Variants in PTPRD observed in about 807,000 individuals in gnomAD.
The protein encoded by PTPRD is receptor-type tyrosine-protein phosphatase delta.
PTPRD carries 34 observed loss-of-function variants against 214.5 expected under a neutral mutation model. The observed-to-expected ratio is 0.16, with a 90% confidence interval of 0.12 to 0.21. The LOEUF (loss-of-function observed/expected upper bound fraction) is 0.21. Ranked by LOEUF, PTPRD falls within the 10% of genes least tolerant of loss-of-function variation. The pLI is 1.00. For missense variants in PTPRD, 2,545 were observed against 2,398.7 expected, an observed-to-expected ratio of 1.06 and a Z score of -1.27; for synonymous variants, 1,128 against 845.7, an observed-to-expected ratio of 1.33 and a Z score of -5.79.
intron 14 of PTPRD, among the ~76,000 whole-genome samples, chr9:8,563,502 A>G (rs1309723148): frequency 2.0e-5 from 3 of 150,240 alleles, no homozygotes; most frequent in African/African-American, 7.4e-5. Flanking sequence ...CAGTGGCGCA[A>G]TCTTGGTACA....
intron 4 of PTPRD, among the ~76,000 whole-genome samples, chr9:10,023,227 T>C (rs577764324): frequency 1.5e-4 from 23 of 152,312 alleles, no homozygotes; most frequent in African/African-American, 5.5e-4. Flanking sequence ...GAATTAATCA[T>C]TTTAAGTGTA....
chr9:8,331,385 G>C (rs1356980425), intron 44 of PTPRD, among the ~76,000 whole-genome samples, 197 bp downstream of exon 44: 1 of 147,472 alleles, frequency 6.8e-6, no homozygotes, highest in Non-Finnish European at 1.5e-5. Flanking sequence ...ACATTTTTTT[G>C]GGGCTAAACA....
At chr9:10,011,200 C>A (rs1197382933) in intron 4 of PTPRD, among the ~76,000 whole-genome samples, 1 of 151,876 alleles carries the variant, frequency 6.6e-6, no homozygotes, top group Non-Finnish European at 1.5e-5. Flanking sequence ...TCAGCAGAAC[C>A]TTGACAGTGT....
intron 11 of PTPRD, among the ~76,000 whole-genome samples, chr9:8,829,992 G>A (rs1865338): frequency 0.47 from 70,629 of 151,840 alleles, 16,919 homozygotes; most frequent in African/African-American, 0.59. Flanking sequence ...ATATTTACTG[G>A]GTAATACCAG....
At chr9:8,854,991 T>C (rs959917326) in intron 11 of PTPRD, among the ~76,000 whole-genome samples, 9 of 152,176 alleles carry the variant, frequency 5.9e-5, no homozygotes, top group African/African-American at 9.6e-5. Context: ...TCACACTCTA[T>C]ATGGAAAATC....
chr9:8,896,054 A>G (rs1320832403), intron 11 of PTPRD, among the ~76,000 whole-genome samples: 1 of 152,174 alleles, frequency 6.6e-6, no homozygotes. Flanking sequence ...TTCATTTCCT[A>G]TCTTTTTTCA....
At chr9:10,351,651 T>C (rs77103704) in intron 2 of PTPRD, among the ~76,000 whole-genome samples, 227 of 141,342 alleles carry the variant, frequency 1.6e-3, no homozygotes, top group African/African-American at 5.7e-3. Flanking sequence ...ACCTCTCATA[T>C]TTTAATTCTA....
intron 10 of PTPRD, among the ~76,000 whole-genome samples, chr9:9,047,191 A>T (rs1164999730): frequency 6.6e-6 from 1 of 152,110 alleles, no homozygotes; most frequent in Non-Finnish European, 1.5e-5. Flanking sequence ...CCTAGGAATT[A>T]ACCAAACAAG....
chr9:9,075,904 A>T (rs925312407), intron 10 of PTPRD, among the ~76,000 whole-genome samples: 43 of 152,310 alleles, frequency 2.8e-4, no homozygotes, highest in Non-Finnish European at 4.7e-4. Context: ...AGCATGATTT[A>T]TAATCCTTTG....
chr9:9,180,209 A>C (rs1211937936), intron 10 of PTPRD, among the ~76,000 whole-genome samples: 2 of 151,746 alleles, frequency 1.3e-5, no homozygotes, highest in Admixed American at 1.3e-4. Flanking sequence ...AATGTCCAAC[A>C]ATGATAGACT....
intron 2 of PTPRD, among the ~76,000 whole-genome samples, chr9:10,433,125 G>A (rs539084286): frequency 6.6e-6 from 1 of 151,928 alleles, no homozygotes; most frequent in South Asian, 2.1e-4. Context: ...TAGGGAAGAT[G>A]TTACTAGATC....
In PTPRD at chr9:10,384,782, C is replaced by A. The variant is rs563508045; in HGVS notation, c.-599-43765G>T. Among the ~76,000 whole-genome samples, 509 of 150,680 alleles carry A rather than the reference C, an allele frequency of 3.4e-3. 4 individuals carry two copies. Among genetic ancestry groups the A allele is most frequent in the African/African-American group, 0.012 (493 of 40,968 alleles). The stretch of plus-strand genomic sequence containing the variant: ...TCTAAATTTGTCAGAAAAAAAAAAC[C>A]TCCTTCTCCATCTTAAAGAGGTACA... On this transcript the variant is annotated intron_variant, in intron 2 of 45. Transcript: ENST00000381196.
At chr9:8,748,432 G>C (rs7862046) in intron 11 of PTPRD, among the ~76,000 whole-genome samples, 10,715 of 148,876 alleles carry the variant, frequency 0.072, 1,017 homozygotes, top group African/African-American at 0.23. Context: ...CCAGGCATTC[G>C]AGCCGGCAAC....
intron 7 of PTPRD, among the ~76,000 whole-genome samples, chr9:9,639,194 T>G (rs1412100299): frequency 6.6e-6 from 1 of 152,196 alleles, no homozygotes; most frequent in East Asian, 1.9e-4. Context: ...TAACTTATTG[T>G]GTTAATATTA....
At chr9:8,665,935 TG>T (rs2097160833) in intron 12 of PTPRD, among the ~76,000 whole-genome samples, 1 of 152,212 alleles carries the variant, frequency 6.6e-6, no homozygotes, top group Non-Finnish European at 1.5e-5. Flanking sequence ...TGCATGGGTA[TG>T]TTTATTAATT....
At chr9:10,210,815 A>ATG (rs2099513155) in intron 3 of PTPRD, among the ~76,000 whole-genome samples, 1 of 87,240 alleles carries the variant, frequency 1.1e-5, no homozygotes, top group African/African-American at 5.8e-5. Flanking sequence ...ATATATATAT[A>ATG]TATATATGTA....
intron 11 of PTPRD, among the ~76,000 whole-genome samples, chr9:8,759,699 G>T (rs560273238): frequency 6.8e-6 from 1 of 147,364 alleles, no homozygotes; most frequent in Non-Finnish European, 1.5e-5. Context: ...TGCTGCTCAT[G>T]ACTTTCTGCT....
At chr9:8,593,843 A>G (rs755031494) in intron 14 of PTPRD, among the ~76,000 whole-genome samples, 30 of 152,222 alleles carry the variant, frequency 2.0e-4, no homozygotes, top group Non-Finnish European at 4.1e-4. Flanking sequence ...AAATGGATAC[A>G]ACATGATTAA....
At chr9:9,335,061 G>A (rs776502546) in intron 9 of PTPRD, among the ~76,000 whole-genome samples, 28 of 152,118 alleles carry the variant, frequency 1.8e-4, no homozygotes, top group South Asian at 1.5e-3. Context: ...TGCTCATCTT[G>A]TAGTTAACTG....
Sources: gnomAD v4.1 joint callset for allele counts (sites outside exome capture counted in the v4.1 genomes callset) on GRCh38, gnomAD v4.1.1 for gene constraint, MANE v1.5 for transcripts, NCBI Gene and HGNC (gene_info 2026-07-23, HGNC 2026-07-21) for gene names.